Variants in SETDB1 observed in about 807,000 individuals in gnomAD.
SETDB1 encodes SET domain bifurcated histone lysine methyltransferase 1.
A neutral mutation model predicts 137.4 loss-of-function variants in SETDB1; 31 were observed. The observed-to-expected ratio is 0.23, with a 90% CI of 0.17 to 0.30. The LOEUF (loss-of-function observed/expected upper bound fraction) is 0.30, where lower values mean the gene tolerates loss of function less well. SETDB1 is among the 10% of genes least tolerant of loss of function. The pLI is 1.00. For synonymous variants in SETDB1, 548 were observed against 579.9 expected, an observed-to-expected ratio of 0.95 and a Z score of 0.79; for missense variants, 1,113 against 1,631.5, an observed-to-expected ratio of 0.68 and a Z score of 5.47.
chr1:150,931,953 C>T (rs1449667997), intron 3 of SETDB1, among the ~76,000 whole-genome samples: 1 of 151,848 alleles, frequency 6.6e-6, no homozygotes. Flanking sequence ...TTCCTTTTGT[C>T]TTTTATCATA....
intron 5 of SETDB1, among the ~76,000 whole-genome samples, chr1:150,941,708 G>T (rs1670163986): frequency 6.6e-6 from 1 of 152,096 alleles, no homozygotes; most frequent in Admixed American, 6.5e-5. Context: ...AAAAAGGTTT[G>T]AGGCCAGGTG....
intron 3 of SETDB1, among the ~76,000 whole-genome samples, chr1:150,938,090 G>A (rs587666743): frequency 2.4e-4 from 36 of 152,032 alleles, no homozygotes; most frequent in South Asian, 1.7e-3. Context: ...GTGTGGTGGC[G>A]CGTGCCTGTA....
At chr1:150,961,309 A>C in intron 16 of SETDB1, 118 bp downstream of exon 16, 1 of 1,083,608 alleles carries the variant, frequency 9.2e-7, no homozygotes, top group Non-Finnish European at 1.4e-6. Context: ...TTCTGTGGCC[A>C]CCTCGTTATC....
chr1:150,957,542 T>C (rs1162924751), intron 14 of SETDB1, among the ~76,000 whole-genome samples: 2 of 152,178 alleles, frequency 1.3e-5, no homozygotes, highest in African/African-American at 4.8e-5. Context: ...TGATTTTACA[T>C]ACCAAGAAAA....
chr1:150,944,465 G>A (rs1033858297), intron 8 of SETDB1, among the ~76,000 whole-genome samples: 2 of 152,180 alleles, frequency 1.3e-5, no homozygotes, highest in Admixed American at 1.3e-4. Context: ...ATTTTTAACT[G>A]CAGAAGAATC....
chr1:150,949,014 C>A, intron 10 of SETDB1, 108 bp from the exon 11 acceptor site: 1 of 1,155,274 alleles, frequency 8.7e-7, no homozygotes, highest in Non-Finnish European at 1.2e-6. Flanking sequence ...CCACTGCGCC[C>A]AGCCATTGCT....
At chr1:150,948,084 T>C (rs1670381229) in intron 10 of SETDB1, among the ~76,000 whole-genome samples, 1 of 150,926 alleles carries the variant, frequency 6.6e-6, no homozygotes, top group African/African-American at 2.4e-5. Flanking sequence ...AAAAAAATGC[T>C]GAGTGTGGTG....
At chr1:150,955,185 A>C (rs1670603724) in intron 14 of SETDB1, among the ~76,000 whole-genome samples, 1 of 152,248 alleles carries the variant, frequency 6.6e-6, no homozygotes, top group South Asian at 2.1e-4. Flanking sequence ...AAAATTTTGA[A>C]TCTAACAATA....
At position 150,949,219 on chromosome 1, in the gene SETDB1, T is replaced by G. The variant is rs1252419885; in HGVS notation, c.1365T>G (p.Ala455=). The change falls in exon 11 of 22, where the codon GCT becomes GCG. Residue 455 remains alanine (A), a synonymous_variant. Coordinates refer to ENST00000692827, the MANE Select transcript of SETDB1 (RefSeq NM_001366418.1). ...FKPVEPPQPT[A]PPAPPFPPAP... ...CAGTGGAACCCCCACAGCCTACAGC[T>G]CCACCTGCCCCACCTTTCCCACCTG... 5 of 1,613,928 alleles carry G rather than the reference T, an allele frequency of 3.1e-6. No individual in the cohort carries two copies. In the Admixed American group the frequency reaches 6.7e-5, roughly 22 times the overall value.
At chr1:150,939,894 C>G in intron 3 of SETDB1, 46 bp from the exon 4 acceptor site, 1 of 1,466,450 alleles carries the variant, frequency 6.8e-7, no homozygotes, top group Non-Finnish European at 9.4e-7. Context: ...CCAGAAGTTC[C>G]TCTGTGTAAG....
rs1670431371 is a variant in SETDB1, at chr1:150,949,391, G to T, written c.1449G>T (p.Gln483His). 5 of 1,614,180 alleles carry T rather than the reference G, an allele frequency of 3.1e-6. No individual in the cohort carries two copies. Among genetic ancestry groups the T allele is most frequent in the Non-Finnish European group, 4.2e-6 (5 of 1,180,036 alleles). ...GAAGCTTGGAAAGCCAGCTTGCCCA[G>T]TCACGGAAGCAGGTAGCCAAAAAGA... is the stretch of plus-strand genomic sequence containing the variant. ...DSESLESQLA[Q>H]SRKQVAKKST... The change falls in exon 12 of 22, where the codon CAG becomes CAT. Residue 483 changes from glutamine (Q) to histidine (H), a missense_variant. Gln to His is a conservative substitution (Grantham distance 24). Around this residue, in one of 11 missense-constraint regions of SETDB1, gnomAD observed 192 missense variants for 198.1 expected, o/e 0.97. Coordinates refer to ENST00000692827, the MANE Select transcript of SETDB1 (RefSeq NM_001366418.1).
intron 12 of SETDB1, among the ~76,000 whole-genome samples, chr1:150,950,069 A>G (rs954161174): frequency 6.6e-6 from 1 of 152,154 alleles, no homozygotes; most frequent in African/African-American, 2.4e-5. Context: ...CCCTGTCTCT[A>G]CTAAAAAATA....
Position 150,949,233 on chromosome 1 carries a change from C to T in SETDB1, c.1379C>T (p.Pro460Leu), listed in dbSNP as rs1466362834. 2 of 1,614,156 alleles carry T rather than the reference C, an allele frequency of 1.2e-6. No individual in the cohort carries two copies. Among genetic ancestry groups the T allele is most frequent in the Non-Finnish European group, 8.5e-7 (1 of 1,180,028 alleles). Residue 460 changes from proline (P) to leucine (L), a missense_variant, in exon 11 of 22, where the codon CCT becomes CTT. This residue lies in a region of SETDB1 where 192 missense variants were observed against 198.1 expected (regional missense o/e 0.97). Coordinates refer to ENST00000692827, the MANE Select transcript of SETDB1 (RefSeq NM_001366418.1). ...CAGCCTACAGCTCCACCTGCCCCAC[C>T]TTTCCCACCTGCTCCACCTCTATCC... ...PPQPTAPPAP[P>L]FPPAPPLSPQ...
intron 3 of SETDB1, among the ~76,000 whole-genome samples, chr1:150,938,604 A>G (rs1018564804): frequency 2.0e-5 from 3 of 151,832 alleles, no homozygotes; most frequent in African/African-American, 7.3e-5. Flanking sequence ...TCCCGGTTCA[A>G]GTGATTCTCC....
At position 150,929,954 on chromosome 1, in the gene SETDB1, G is replaced by A; in HGVS notation, c.261-13G>A. 6.2e-7 allele frequency: 1 copy of A among 1,610,146 alleles called. No individual in the cohort carries two copies. Among genetic ancestry groups the A allele is most frequent in the Non-Finnish European group, 8.5e-7 (1 of 1,178,372 alleles). The stretch of plus-strand genomic sequence containing the variant: ...ACTGGCTTTGACCTTTTCTGCATGT[G>A]TTCCAATATTAGGGCAGTGACTAAT... On this transcript the variant is annotated splice_polypyrimidine_tract_variant and intron_variant, in intron 2 of 21. Coordinates refer to ENST00000692827, the MANE Select transcript of SETDB1 (RefSeq NM_001366418.1).
At chr1:150,945,212 C>G (rs1401372058) in intron 9 of SETDB1, 104 bp downstream of exon 9, 13 of 1,541,990 alleles carry the variant, frequency 8.4e-6, no homozygotes, top group Non-Finnish European at 1.1e-5. Context: ...CTTCCTCTTT[C>G]TTATCCTCGT....
intron 2 of SETDB1, chr1:150,928,213 A>G: frequency 2.0e-6 from 1 of 497,218 alleles, no homozygotes; most frequent in Non-Finnish European, 3.6e-6. Context: ...ATCCGCCACC[A>G]CACCCAGCTA....
At chr1:150,959,106 A>G (rs961004660) in intron 14 of SETDB1, 72 bp from the exon 15 acceptor site, 3 of 1,080,006 alleles carry the variant, frequency 2.8e-6, no homozygotes, top group African/African-American at 1.7e-5. Context: ...CTTAAGAATT[A>G]TAATAGTTTT....
intron 10 of SETDB1, among the ~76,000 whole-genome samples, chr1:150,948,601 A>G (rs587599974): frequency 3.4e-4 from 51 of 152,180 alleles, no homozygotes; most frequent in African/African-American, 1.2e-3. Context: ...CTTTGTGAAT[A>G]AACTTGCTTT....
Sources: allele counts gnomAD v4.1 joint callset (sites outside exome capture counted in the v4.1 genomes callset), GRCh38; gene constraint gnomAD v4.1.1; regional missense constraint gnomAD v4.1.1; transcripts MANE v1.5; gene names NCBI Gene and HGNC (gene_info 2026-07-23, HGNC 2026-07-21).